The following NUP133 variants were observed in gnomAD, a reference collection of about 807,000 sequenced individuals.
The protein encoded by NUP133 is nucleoporin 133.
A neutral mutation model predicts 146.2 loss-of-function variants in NUP133; 66 were observed. That is an observed-to-expected ratio of 0.45 (90% CI 0.37 to 0.55). NUP133 has a LOEUF of 0.55. Among genes scored for constraint, NUP133 ranks in the 20% least tolerant of loss-of-function variants. NUP133 has a pLI of 0.00. For missense variants in NUP133, 1,277 were observed against 1,374.8 expected, an observed-to-expected ratio of 0.93 and a Z score of 1.12; for synonymous variants, 521 against 498.8, an observed-to-expected ratio of 1.04 and a Z score of -0.59.
At chr1:229,506,202 C>A (rs778637623) in intron 1 of NUP133, 44 bp from the exon 2 acceptor site, 1 of 1,075,194 alleles carries the variant, frequency 9.3e-7, no homozygotes, top group Admixed American at 2.2e-5. Context: ...ACTTAAAATT[C>A]TCCATTATCC....
intron 25 of NUP133, among the ~76,000 whole-genome samples, chr1:229,442,362 C>G (rs185978410): frequency 6.6e-6 from 1 of 152,288 alleles, no homozygotes; most frequent in African/African-American, 2.4e-5. Flanking sequence ...TATATGATCC[C>G]CTATTTAGGG....
chr1:229,470,335 G>A (rs1044923360), intron 15 of NUP133, among the ~76,000 whole-genome samples: 1 of 151,960 alleles, frequency 6.6e-6, no homozygotes, highest in Non-Finnish European at 1.5e-5. Context: ...TAGGTACTTG[G>A]AGACAGTTAT....
chr1:229,461,927 A>G (rs906720819), intron 19 of NUP133, among the ~76,000 whole-genome samples: 3 of 149,752 alleles, frequency 2.0e-5, no homozygotes, highest in Non-Finnish European at 4.4e-5. Flanking sequence ...TCTGTTGCCC[A>G]GCCTGGAGTG....
At chr1:229,492,954 T>C (rs1386697100) in intron 8 of NUP133, among the ~76,000 whole-genome samples, 2 of 152,038 alleles carry the variant, frequency 1.3e-5, no homozygotes, top group African/African-American at 4.8e-5. Context: ...AAAAAGAATA[T>C]TGGCCCAAAC....
At chr1:229,493,552 T>C (rs2102780015) in intron 8 of NUP133, among the ~76,000 whole-genome samples, 1 of 152,322 alleles carries the variant, frequency 6.6e-6, no homozygotes, top group East Asian at 1.9e-4. Context: ...TGAATGACTA[T>C]AAGGAAGACA....
In NUP133 at chr1:229,486,455, A is replaced by C. The variant is rs746448639; in HGVS notation, c.1416T>G (p.Ser472=). 1 of 1,611,462 alleles carries C rather than the reference A, an allele frequency of 6.2e-7. No individual in the cohort carries two copies. Among genetic ancestry groups the C allele is most frequent in the Admixed American group, 1.7e-5 (1 of 59,458 alleles). The change falls in exon 11 of 26, where the codon TCT becomes TCG. Residue 472 remains serine (S), a synonymous_variant. Transcript: ENST00000261396. ...TAGACACATTTTCCCTTGAAGTAAT[A>C]GACACCAGTCCACTGTTTCTAGAAA... ...IIFSRNSGLV[S]ITSRENVSIL...
At chr1:229,485,662 C>G (rs866804631) in intron 11 of NUP133, among the ~76,000 whole-genome samples, 2 of 152,058 alleles carry the variant, frequency 1.3e-5, no homozygotes, top group African/African-American at 2.4e-5. Flanking sequence ...AGAAAATCAA[C>G]AGATGCATCA....
At chr1:229,463,756 T>C (rs1332878028) in intron 18 of NUP133, 80 bp from the exon 19 acceptor site, 14 of 1,401,212 alleles carry the variant, frequency 1.0e-5, no homozygotes, top group Non-Finnish European at 3.8e-6. Context: ...CTTGAAATTT[T>C]ATCTTTATTC....
intron 14 of NUP133, among the ~76,000 whole-genome samples, chr1:229,474,196 C>T (rs1227014070): frequency 1.1e-4 from 17 of 152,278 alleles, no homozygotes; most frequent in Middle Eastern, 6.8e-3. Flanking sequence ...GGCTTGCAGA[C>T]CCTCCAGCTC....
intron 19 of NUP133, among the ~76,000 whole-genome samples, chr1:229,462,702 C>T (rs377432405): frequency 1.3e-5 from 2 of 151,830 alleles, no homozygotes; most frequent in East Asian, 1.9e-4. Context: ...TGGCCATGGG[C>T]GTGTGGTGGC....
At chr1:229,466,171 C>T (rs1309578999) in intron 16 of NUP133, among the ~76,000 whole-genome samples, 1 of 152,088 alleles carries the variant, frequency 6.6e-6, no homozygotes, top group Non-Finnish European at 1.5e-5. Context: ...TAGACAGTTA[C>T]ATTAACAATA....
intron 12 of NUP133, among the ~76,000 whole-genome samples, chr1:229,481,997 T>C (rs770333457): frequency 1.1e-4 from 17 of 152,234 alleles, no homozygotes; most frequent in Non-Finnish European, 2.1e-4. Context: ...TGCTGCATTA[T>C]CATTTACATT....
At chr1:229,506,821 TAA>T (rs373882093) in intron 1 of NUP133, among the ~76,000 whole-genome samples, 6 of 131,244 alleles carry the variant, frequency 4.6e-5, no homozygotes, top group Admixed American at 1.6e-4. Flanking sequence ...CCTGTCTCTT[TAA>T]AAAAAAAAAA....
At chr1:229,464,589 A>C (rs2904) in intron 18 of NUP133, 35 bp downstream of exon 18, 282,616 of 1,603,904 alleles carry the variant, frequency 0.18, 25,964 homozygotes, top group African/African-American at 0.27. Flanking sequence ...TCCATTCAGC[A>C]AATTTAAAAC....
rs140956551 is a variant in NUP133 at position 229,493,914 on chromosome 1, C to T, written c.1046+1581G>A. 6.6e-4 allele frequency among the ~76,000 whole-genome samples: 101 copies of T among 152,220 alleles called. 1 individual carries two copies. The highest frequency in any genetic ancestry group is 1.2e-3 in the Non-Finnish European group (79 of 68,004). ...TTGGGAGGCTGAGGTGGGCAGATCA[C>T]GAGGTCAGGAGTTCAAGACCAGCCT... On this transcript the variant is annotated intron_variant, in intron 8 of 25. Coordinates refer to ENST00000261396, the MANE Select transcript of NUP133 (RefSeq NM_018230.3).
rs185946293 is a variant in NUP133 at position 229,470,309 on chromosome 1, C to A, written c.2076+271G>T. On this transcript the variant is annotated intron_variant, in intron 15 of 25. Coordinates refer to ENST00000261396, the MANE Select transcript of NUP133 (RefSeq NM_018230.3). The stretch of plus-strand genomic sequence containing the variant: ...TCTCAAAAAAAAAAAAAAAGAAGAT[C>A]AGCATGCAAAGCAAATAGGTACTTG... Among the ~76,000 whole-genome samples, 794 of 150,996 alleles carry A rather than the reference C, an allele frequency of 5.3e-3. 9 individuals are homozygous for A. Among genetic ancestry groups the A allele is most frequent in the African/African-American group, 0.019 (765 of 41,090 alleles).
chr1:229,444,097 C>G (rs1489861580), intron 25 of NUP133, among the ~76,000 whole-genome samples: 5 of 151,938 alleles, frequency 3.3e-5, no homozygotes, highest in African/African-American at 9.7e-5. Context: ...ATTTGGGAGG[C>G]TGAGGCGGGC....
chr1:229,499,711 C>T lies in NUP133; in HGVS notation c.621G>A (p.Lys207=). The T allele has an allele frequency of 5.6e-6, 9 of 1,614,054 alleles. No individual in the cohort carries two copies. Among genetic ancestry groups the T allele is most frequent in the Non-Finnish European group, 7.6e-6 (9 of 1,179,938 alleles). Residue 207 remains lysine, a synonymous_variant, in exon 5 of 26, where the codon AAG becomes AAA. Coordinates refer to ENST00000261396, the MANE Select transcript of NUP133 (RefSeq NM_018230.3). ...GCACTGCTGTTAGGAAACTGTAAGT[C>T]TTATCACCTCCCGAATCTACAAAAG... ...TEAFVDSGGD[K]TYSFLTAVQG...
At chr1:229,498,373 T>C in intron 5 of NUP133, 67 bp from the exon 6 acceptor site, 1 of 1,113,086 alleles carries the variant, frequency 9.0e-7, no homozygotes. Context: ...GAAAAATTCT[T>C]TGATACAGAG....
Sources: gnomAD v4.1 joint callset for allele counts (sites outside exome capture counted in the v4.1 genomes callset) on GRCh38, gnomAD v4.1.1 for gene constraint, MANE v1.5 for transcripts, NCBI Gene and HGNC (gene_info 2026-07-23, HGNC 2026-07-21) for gene names.